SLC16A12: variants seen among roughly 807,000 people sequenced by gnomAD.
SLC16A12 encodes monocarboxylate transporter 12.
In SLC16A12, 17 loss-of-function variants were observed where a neutral mutation model predicts 42.4. That is an observed-to-expected ratio of 0.40 (90% CI 0.27 to 0.60). The LOEUF (loss-of-function observed/expected upper bound fraction) is 0.60. Among genes scored for constraint, SLC16A12 ranks in the 20% least tolerant of loss-of-function variants. SLC16A12 has a pLI of 0.42. For synonymous variants in SLC16A12, 224 were observed against 229.4 expected (o/e 0.98, Z 0.21); for missense variants, 544 against 623.0 (o/e 0.87, Z 1.35).
At chr10:89,522,301 G>A (rs191263872) in intron 2 of SLC16A12, among the ~76,000 whole-genome samples, 2 of 152,264 alleles carry the variant, frequency 1.3e-5, no homozygotes, top group Admixed American at 6.5e-5. Context: ...ACCCCCTTGA[G>A]CCCTTGGGTC....
At chr10:89,514,270 G>C (rs1843210789) in intron 2 of SLC16A12, among the ~76,000 whole-genome samples, 1 of 152,224 alleles carries the variant, frequency 6.6e-6, no homozygotes, top group Non-Finnish European at 1.5e-5. Context: ...TTGAGAAAGT[G>C]TGGCCAGAAA....
chr10:89,489,175 C>T (rs542184172), intron 2 of SLC16A12, among the ~76,000 whole-genome samples: 79 of 152,170 alleles, frequency 5.2e-4, no homozygotes, highest in African/African-American at 1.8e-3. Flanking sequence ...GCTATTTTGA[C>T]CCCAACGTTA....
At position 89,486,664 on chromosome 10, in the gene SLC16A12, A is replaced by AAAGG. The variant is rs1564585989; in HGVS notation, c.-46-24041_-46-24040insCCTT. On this transcript the variant is annotated intron_variant, in intron 2 of 7. Transcript: ENST00000371790. ...GAAAGAAAGAAAGAAAGAAAGAAAG[A>AAAGG]AAAGAAAGAAAGAAAGAAAAGAAAG... Among the ~76,000 whole-genome samples, 487 of 94,076 alleles carry AAAGG rather than the reference A, an allele frequency of 5.2e-3. 11 individuals carry two copies. Among genetic ancestry groups the AAAGG allele is most frequent in the Non-Finnish European group, 6.6e-3 (297 of 45,248 alleles). 61.7% of individuals were successfully genotyped at this position (94,076 alleles called of 152,430 possible).
intron 2 of SLC16A12, among the ~76,000 whole-genome samples, chr10:89,492,625 T>A (rs942946968): frequency 6.6e-5 from 10 of 152,152 alleles, no homozygotes; most frequent in African/African-American, 1.9e-4. Context: ...AAGAGTGCGA[T>A]GGTGCCGACA....
chr10:89,524,060 T>C (rs1344560263), intron 2 of SLC16A12, among the ~76,000 whole-genome samples: 1 of 152,206 alleles, frequency 6.6e-6, no homozygotes, highest in Admixed American at 6.5e-5. Context: ...ATGATACAAT[T>C]TTGAATTTCT....
intron 3 of SLC16A12, among the ~76,000 whole-genome samples, chr10:89,445,724 G>A (rs1423463762): frequency 1.3e-5 from 2 of 152,120 alleles, no homozygotes; most frequent in Admixed American, 6.5e-5. Context: ...GCTCCTCACC[G>A]GCGACAGAAC....
At chr10:89,512,986 G>T (rs938893343) in intron 2 of SLC16A12, among the ~76,000 whole-genome samples, 1 of 152,182 alleles carries the variant, frequency 6.6e-6, no homozygotes, top group African/African-American at 2.4e-5. Flanking sequence ...GGTGGTATCT[G>T]TAGAGAACTG....
At chr10:89,542,090 A>G (rs73363843) in intron 2 of SLC16A12, among the ~76,000 whole-genome samples, 7,086 of 151,774 alleles carry the variant, frequency 0.047, 549 homozygotes, top group African/African-American at 0.16. Flanking sequence ...GCACAGCCTG[A>G]CCCAGGTCAC....
intron 3 of SLC16A12, chr10:89,456,264 A>G (rs1327741240): frequency 6.6e-6 from 1 of 152,208 alleles, no homozygotes; most frequent in East Asian, 1.9e-4. Flanking sequence ...TGCTCAGTTA[A>G]AGTTAGCAAT....
intron 2 of SLC16A12, among the ~76,000 whole-genome samples, chr10:89,510,889 AAAAC>A (rs1297896082): frequency 7.2e-5 from 11 of 152,194 alleles, no homozygotes; most frequent in East Asian, 1.9e-4. Context: ...TTACAAGAAA[AAAAC>A]AAACAACCCC....
intron 2 of SLC16A12, among the ~76,000 whole-genome samples, chr10:89,554,253 G>C (rs1843794822): frequency 1.3e-5 from 2 of 152,086 alleles, no homozygotes; most frequent in African/African-American, 4.8e-5. Flanking sequence ...GAGAGTGCCT[G>C]CCTCAGTTGC....
At chr10:89,504,467 A>G (rs1359413980) in intron 2 of SLC16A12, among the ~76,000 whole-genome samples, 1 of 152,150 alleles carries the variant, frequency 6.6e-6, no homozygotes, top group Admixed American at 6.6e-5. Context: ...ATATTATTGT[A>G]CCCTGGACAA....
upstream of SLC16A12, among the ~76,000 whole-genome samples, chr10:89,538,126 A>G (rs1267002770): frequency 1.3e-5 from 2 of 152,244 alleles, no homozygotes; most frequent in Non-Finnish European, 2.9e-5. Context: ...AAGCAAAACA[A>G]TCTCCTTTCA....
intron 2 of SLC16A12, among the ~76,000 whole-genome samples, chr10:89,480,244 G>A (rs570132256): frequency 1.3e-5 from 2 of 152,232 alleles, no homozygotes; most frequent in Non-Finnish European, 2.9e-5. Context: ...ATGGAACAGT[G>A]CCCTTGGCAT....
At chr10:89,541,571 A>G (rs907956172) in intron 2 of SLC16A12, among the ~76,000 whole-genome samples, 2 of 152,208 alleles carry the variant, frequency 1.3e-5, no homozygotes, top group African/African-American at 4.8e-5. Context: ...TGGGCGACAG[A>G]ACTAGACCCA....
At chr10:89,539,343 A>G (rs1029020519), upstream of SLC16A12, among the ~76,000 whole-genome samples, 3 of 152,008 alleles carry the variant, frequency 2.0e-5, no homozygotes, top group Admixed American at 1.3e-4. Flanking sequence ...CTTCTTCCCT[A>G]CTCAGAATTG....
Position 89,546,221 on chromosome 10 carries a change from C to A in SLC16A12, c.-47+9661G>T, listed in dbSNP as rs1282268927. Among the ~76,000 whole-genome samples the A allele has an allele frequency of 2.6e-5, 4 of 152,072 alleles. No individual in the cohort carries two copies. In the East Asian group the frequency reaches 5.8e-4, roughly 22 times the overall value. On this transcript the variant is annotated intron_variant, in intron 2 of 2. Coordinates refer to the SLC16A12 transcript ENST00000475682. ...CTAATTAAACTAAAGAGCTTCTGCA[C>A]AGCAAAAGAAATATCATCAGAGGGA...
chr10:89,485,702 G>A (rs950827829), intron 2 of SLC16A12, among the ~76,000 whole-genome samples: 4 of 152,200 alleles, frequency 2.6e-5, no homozygotes, highest in African/African-American at 9.6e-5. Flanking sequence ...GAAGAACAAT[G>A]CAGGTGAAAG....
chr10:89,440,286 C>A (rs1343385757), intron 5 of SLC16A12, among the ~76,000 whole-genome samples: 1 of 152,090 alleles, frequency 6.6e-6, no homozygotes. Flanking sequence ...TGTGGGACTT[C>A]CAGTGTTAAA....
Sources: allele counts gnomAD v4.1 joint callset (sites outside exome capture counted in the v4.1 genomes callset), GRCh38; gene constraint gnomAD v4.1.1; transcripts MANE v1.5; gene names NCBI Gene and HGNC (gene_info 2026-07-23, HGNC 2026-07-21).